The following PCSK7 variants were observed in gnomAD, a reference collection of about 807,000 sequenced individuals.
PCSK7 encodes the protein lymphoma proprotein convertase.
Under a neutral mutation model 73.3 loss-of-function variants are expected in PCSK7, and 38 were observed. The observed-to-expected ratio is 0.52, with a 90% CI of 0.40 to 0.68. The LOEUF (loss-of-function observed/expected upper bound fraction) is 0.68. Ranked by LOEUF, PCSK7 falls within the 30% of genes least tolerant of loss-of-function variation. The pLI is 0.00. For missense variants in PCSK7, 692 were observed against 991.5 expected (o/e 0.70, Z 4.06); for synonymous variants, 296 against 383.8 (o/e 0.77, Z 2.68).
chr11:117,215,100 G>T (rs1591794070), intron 12 of PCSK7: 2 of 152,186 alleles, frequency 1.3e-5, no homozygotes, highest in South Asian at 4.1e-4. Flanking sequence ...TTGCTCTTTA[G>T]CAGCACTTCT....
Position 117,205,662 on chromosome 11 carries a change from T to C in PCSK7, c.*335A>G, listed in dbSNP as rs139105493. The stretch of plus-strand genomic sequence containing the variant: ...CTATGGCAGGCACCTTCTCAACTTA[T>C]ATGTGGGAAGGGGTCCCCCATGCTT... On this transcript the variant is annotated 3_prime_UTR_variant, in exon 17 of 17. Coordinates refer to ENST00000320934, the MANE Select transcript of PCSK7 (RefSeq NM_004716.4). 3 of 273,492 alleles carry C rather than the reference T, an allele frequency of 1.1e-5. No individual in the cohort carries two copies. Among genetic ancestry groups the C allele is most frequent in the African/African-American group, 4.3e-5 (2 of 46,684 alleles). 16.9% of individuals were successfully genotyped at this position (273,492 alleles called of 1,614,324 possible).
At chr11:117,223,932 C>T in intron 8 of PCSK7, 146 bp downstream of exon 8, 1 of 799,446 alleles carries the variant, frequency 1.3e-6, no homozygotes, top group Non-Finnish European at 2.1e-6. Flanking sequence ...TCCCAAGGTC[C>T]TCTGCAAGCA....
rs375311757 is a variant in PCSK7, at chr11:117,204,418, C to T, written c.*1579G>A. ...CCCAGCTCCTTGGCTGCAGCCATCC[C>T]GCTTAGCCTGCCTCACCCACACCCG... is the stretch of plus-strand genomic sequence containing the variant. On this transcript the variant is annotated 3_prime_UTR_variant, in exon 17 of 17. Transcript: ENST00000320934. 47 of 1,610,894 alleles carry T rather than the reference C, an allele frequency of 2.9e-5. No individual in the cohort carries two copies. The highest frequency in any genetic ancestry group is 3.5e-5 in the Non-Finnish European group (41 of 1,178,304).
intron 6 of PCSK7, chr11:117,225,042 G>T (rs2134324588): frequency 2.9e-5 from 7 of 238,518 alleles, no homozygotes; most frequent in East Asian, 8.3e-5. Flanking sequence ...CTAGGGATCA[G>T]AGACATGTAG....
At chr11:117,214,388 A>G (rs2031874685) in intron 12 of PCSK7, 1 of 127,534 alleles carries the variant, frequency 7.8e-6, no homozygotes, top group Admixed American at 7.7e-5. Flanking sequence ...ACATAGCTGT[A>G]CTGTCAAGGA....
intron 1 of PCSK7, chr11:117,231,093 G>A (rs188994817): frequency 8.3e-4 from 126 of 151,734 alleles, no homozygotes; most frequent in African/African-American, 3.0e-3. Context: ...AGAACTGGGG[G>A]ACAGACAAAT....
At position 117,208,128 on chromosome 11, in the gene PCSK7, C is replaced by CAACA. The variant is rs200390859; in HGVS notation, c.1692-68_1692-65dup. Reference sequence around the variant, plus strand: ...GGCCAGAGAGCTGACCTTCCCCCAGCAACACTTTCTTACTGTAGTAGCCGT... The same window carrying CAACA: ...GGCCAGAGAGCTGACCTTCCCCCAGCAACAAACACTTTCTTACTGTAGTAGCCGT... On this transcript the variant is annotated intron_variant, in intron 13 of 16. Transcript: ENST00000320934. The CAACA allele has an allele frequency of 8.4e-3, 3,475 of 415,258 alleles. 222 individuals are homozygous for CAACA. The African/African-American group carries it at 0.097, about 12-fold the overall frequency. 25.7% of individuals were successfully genotyped at this position (415,258 alleles called of 1,614,324 possible).
chr11:117,212,540 G>A (rs1455726719), intron 12 of PCSK7: 1 of 151,468 alleles, frequency 6.6e-6, no homozygotes, highest in Non-Finnish European at 1.5e-5. Flanking sequence ...CACCTCCCAA[G>A]TAGCTGGGAT....
chr11:117,219,009 C>T (rs374440929), intron 11 of PCSK7, 48 bp downstream of exon 11: 1 of 1,328,920 alleles, frequency 7.5e-7, no homozygotes, highest in Non-Finnish European at 1.1e-6. Context: ...CAGCTCCGAC[C>T]CTTGGTCACT....
chr11:117,225,469 A>G (rs1016324001), intron 6 of PCSK7: 1 of 177,140 alleles, frequency 5.6e-6, no homozygotes, highest in Non-Finnish European at 1.2e-5. Context: ...TACCCTGTGG[A>G]TGATGTCATG....
rs2032315997 is a variant in PCSK7, at chr11:117,224,125, T to C, written c.1007A>G (p.Asn336Ser). 5 of 1,613,872 alleles carry C rather than the reference T, an allele frequency of 3.1e-6. No homozygotes were observed. The African/African-American group carries it at 6.7e-5, about 22-fold the overall frequency. ...GTTGGCGTAGCCATCGTAGTTGCAG[T>C]TGTCGTTGTGTTGGCCTCCGTTGCC... ...ASGNGGQHND[N>S]CNYDGYANSI... is the part of the protein sequence containing the mutation. Residue 336 changes from asparagine to serine, a missense_variant, in exon 8 of 17, where the codon AAC becomes AGC. By Grantham distance (46) the Asn-to-Ser change is conservative (BLOSUM62 1). Around this residue, in one of 6 missense-constraint regions of PCSK7, gnomAD observed 574 missense variants for 689.8 expected, o/e 0.83. Transcript: ENST00000320934.
At position 117,229,840 on chromosome 11, in the gene PCSK7, G is replaced by A. The variant is rs368030929; in HGVS notation, c.5C>T (p.Pro2Leu). The change falls in exon 3 of 17, where the codon CCG (proline) becomes CTG (leucine). Residue 2 changes from proline to leucine, a missense_variant. This residue lies in a region of PCSK7 where 574 missense variants were observed against 689.8 expected (regional missense o/e 0.83). Transcript: ENST00000320934. M[P>L]KGRQKVPHLD... Reference sequence around the variant, plus strand: ...GTGTGGCACTTTCTGCCTCCCCTTCGGCATCAGAGCAGTGGACTGCAGACA... The same window carrying A: ...GTGTGGCACTTTCTGCCTCCCCTTCAGCATCAGAGCAGTGGACTGCAGACA... 1.2e-5 allele frequency: 18 copies of A among 1,556,478 alleles called. No homozygotes were observed. The highest frequency in any genetic ancestry group is 3.8e-5 in the Admixed American group (2 of 52,998).
chr11:117,230,108 G>T, intron 2 of PCSK7: 1 of 435,384 alleles, frequency 2.3e-6, no homozygotes, highest in South Asian at 4.6e-5. Flanking sequence ...CAATCCTCAC[G>T]ACACCAGCTA....
rs2032618593 is a variant in PCSK7, at chr11:117,230,755, C to T, written c.-132-287G>A. On this transcript the variant is annotated intron_variant, in intron 1 of 16. Coordinates refer to ENST00000320934, the MANE Select transcript of PCSK7 (RefSeq NM_004716.4). Reference sequence around the variant, plus strand: ...TGCCTCTTGAAAGAGTAGGTAATAACGTCCTAGAAGTCCAGGTGGTAGCTA... The same window carrying T: ...TGCCTCTTGAAAGAGTAGGTAATAATGTCCTAGAAGTCCAGGTGGTAGCTA... Among the ~76,000 whole-genome samples, 5 of 152,110 alleles carry T rather than the reference C, an allele frequency of 3.3e-5. No individual in the cohort carries two copies. The South Asian group carries it at 6.2e-4, about 19-fold the overall frequency.
intron 4 of PCSK7, among the ~76,000 whole-genome samples, chr11:117,227,797 C>T (rs1403202941): frequency 1.3e-5 from 2 of 152,182 alleles, no homozygotes; most frequent in African/African-American, 4.8e-5. Flanking sequence ...GAGCAAAGGA[C>T]ACTGGGGCAA....
At chr11:117,229,953 A>T in intron 2 of PCSK7, 97 bp from the exon 3 acceptor site, 1 of 690,160 alleles carries the variant, frequency 1.4e-6, no homozygotes, top group Non-Finnish European at 2.4e-6. Flanking sequence ...TTCCCCCTGG[A>T]AGTCCCTAAG....
At chr11:117,216,904 G>T (rs1237552777) in intron 12 of PCSK7, 1 of 152,112 alleles carries the variant, frequency 6.6e-6, no homozygotes, top group Non-Finnish European at 1.5e-5. Flanking sequence ...GAATAACTCT[G>T]CATGTCAAAA....
rs564978816 is a variant in PCSK7, at chr11:117,218,931, T to C, written c.1431+126A>G. Reference sequence around the variant, plus strand: ...ATATCAGCTGGGATGAAGGTTGAAGTTGTTAAATCAATGAACTGAATGAAC... The same window carrying C: ...ATATCAGCTGGGATGAAGGTTGAAGCTGTTAAATCAATGAACTGAATGAAC... On this transcript the variant is annotated intron_variant, in intron 11 of 16. Transcript: ENST00000320934. The surrounding 1 kb of genome is among the most constrained non-coding windows in gnomAD (Gnocchi z 4.0). 1.3e-5 allele frequency: 8 copies of C among 617,614 alleles called. No individual in the cohort carries two copies. Among genetic ancestry groups the C allele is most frequent in the Non-Finnish European group, 2.3e-5 (8 of 353,390 alleles). The allele number at this position is 617,614 out of a possible 1,614,324, so 38.3% of individuals were successfully genotyped here.
At chr11:117,223,422 A>G in intron 8 of PCSK7, 114 bp from the exon 9 acceptor site, 1 of 707,720 alleles carries the variant, frequency 1.4e-6, no homozygotes, top group Admixed American at 2.0e-5. Context: ...CTGAGTTTGA[A>G]ACATGATCTG....
Sources: allele counts gnomAD v4.1 joint callset (sites outside exome capture counted in the v4.1 genomes callset), GRCh38; gene constraint gnomAD v4.1.1; regional missense constraint gnomAD v4.1.1; non-coding constraint Gnocchi (gnomAD v3.1); transcripts MANE v1.5; gene names NCBI Gene and HGNC (gene_info 2026-07-23, HGNC 2026-07-21).